The following ZNF385D variants were observed in gnomAD, a reference collection of about 807,000 sequenced individuals.
ZNF385D encodes the protein zinc finger protein 659.
A neutral mutation model predicts 35.8 loss-of-function variants in ZNF385D; 15 were observed. The observed-to-expected ratio is 0.42, with a 90% CI of 0.28 to 0.64. ZNF385D has a LOEUF of 0.64. Ranked by LOEUF, ZNF385D falls within the 30% of genes least tolerant of loss-of-function variation. The probability of loss-of-function intolerance (pLI) is 0.23; values close to 1 mark genes in which losing one functional copy is unlikely to be tolerated. For synonymous variants in ZNF385D, 212 were observed against 186.8 expected, an observed-to-expected ratio of 1.13 and a Z score of -1.10; for missense variants, 474 against 494.6, an observed-to-expected ratio of 0.96 and a Z score of 0.39.
chr3:22,345,103 C>T (rs542900804), intron 2 of ZNF385D, among the ~76,000 whole-genome samples: 3 of 152,278 alleles, frequency 2.0e-5, no homozygotes, highest in South Asian at 2.1e-4. Flanking sequence ...CATTGCTATT[C>T]AACAGGTGCT....
intron 3 of ZNF385D, among the ~76,000 whole-genome samples, chr3:21,940,134 T>A (rs1361239815): frequency 6.6e-6 from 1 of 152,208 alleles, no homozygotes; most frequent in Non-Finnish European, 1.5e-5. Context: ...GTTTGCGTTA[T>A]TTTATAAGTT....
chr3:22,302,273 C>T (rs1484192645), intron 2 of ZNF385D, among the ~76,000 whole-genome samples: 3 of 152,014 alleles, frequency 2.0e-5, no homozygotes, highest in Admixed American at 6.6e-5. Flanking sequence ...TCTTCATCAA[C>T]ACTTAGTATT....
chr3:21,892,109 T>C (rs1399232276), intron 3 of ZNF385D, among the ~76,000 whole-genome samples: 1 of 152,200 alleles, frequency 6.6e-6, no homozygotes, highest in African/African-American at 2.4e-5. Flanking sequence ...AATACTTGCT[T>C]CGTGGGATAG....
intron 2 of ZNF385D, among the ~76,000 whole-genome samples, chr3:22,344,722 A>G (rs1288595964): frequency 6.6e-6 from 1 of 152,148 alleles, no homozygotes; most frequent in East Asian, 1.9e-4. Context: ...GCACCAGGCT[A>G]GTATTTTCTT....
intron 3 of ZNF385D, among the ~76,000 whole-genome samples, chr3:21,527,438 A>C (rs544314207): frequency 2.9e-4 from 44 of 152,228 alleles, no homozygotes; most frequent in African/African-American, 1.0e-3. Flanking sequence ...AATTCATTTC[A>C]CCTCCAGTAT....
chr3:22,281,047 G>T (rs1701712198), intron 2 of ZNF385D, among the ~76,000 whole-genome samples: 1 of 151,932 alleles, frequency 6.6e-6, no homozygotes, highest in Non-Finnish European at 1.5e-5. Context: ...CTTGGTCACG[G>T]TTGTATAGTA....
At chr3:22,118,843 C>T (rs1407760414) in intron 3 of ZNF385D, among the ~76,000 whole-genome samples, 2 of 152,006 alleles carry the variant, frequency 1.3e-5, no homozygotes, top group Admixed American at 6.6e-5. Context: ...TTCATACATA[C>T]AAATTTGAGC....
At chr3:21,835,408 G>C (rs965732954) in intron 3 of ZNF385D, among the ~76,000 whole-genome samples, 1 of 151,630 alleles carries the variant, frequency 6.6e-6, no homozygotes, top group Non-Finnish European at 1.5e-5. Context: ...GAGAACATAT[G>C]TTGCCTCCAA....
At chr3:21,668,010 G>A (rs967528290) in intron 1 of ZNF385D, among the ~76,000 whole-genome samples, 1 of 152,152 alleles carries the variant, frequency 6.6e-6, no homozygotes, top group Non-Finnish European at 1.5e-5. Flanking sequence ...TTGGAAGAGA[G>A]CAATGTATAA....
intron 3 of ZNF385D, among the ~76,000 whole-genome samples, chr3:22,167,939 C>T (rs867174413): frequency 6.6e-6 from 1 of 152,130 alleles, no homozygotes; most frequent in Non-Finnish European, 1.5e-5. Flanking sequence ...AATGCAGAAG[C>T]AATTTCTACT....
At chr3:21,885,432 A>C (rs1320724549) in intron 3 of ZNF385D, among the ~76,000 whole-genome samples, 1 of 152,022 alleles carries the variant, frequency 6.6e-6, no homozygotes, top group African/African-American at 2.4e-5. Flanking sequence ...TGATGAAAAA[A>C]ATAGTGAATT....
chr3:21,664,802 G>C, intron 2 of ZNF385D, 84 bp downstream of exon 2: 1 of 1,560,818 alleles, frequency 6.4e-7, no homozygotes, highest in Non-Finnish European at 8.8e-7. Context: ...GCAAAATGGA[G>C]GCAGTGGCCG....
intron 3 of ZNF385D, among the ~76,000 whole-genome samples, chr3:21,807,608 C>T (rs2072712644): frequency 6.6e-6 from 1 of 151,736 alleles, no homozygotes; most frequent in Non-Finnish European, 1.5e-5. Flanking sequence ...CCTTAGTAGG[C>T]CAATAACAAA....
intron 3 of ZNF385D, among the ~76,000 whole-genome samples, chr3:21,994,302 T>G (rs569077625): frequency 4.7e-4 from 71 of 152,354 alleles, no homozygotes; most frequent in Non-Finnish European, 7.2e-4. Flanking sequence ...AAGTTGAGAT[T>G]ATGCCAAAGT....
At chr3:22,009,643 A>T (rs1292783202) in intron 3 of ZNF385D, among the ~76,000 whole-genome samples, 3 of 151,784 alleles carry the variant, frequency 2.0e-5, no homozygotes, top group African/African-American at 7.3e-5. Context: ...ATAAAAAAAA[A>T]AAAGATTCAA....
intron 4 of ZNF385D, among the ~76,000 whole-genome samples, chr3:21,504,712 C>A (rs1394843217): frequency 6.6e-6 from 1 of 151,970 alleles, no homozygotes; most frequent in Non-Finnish European, 1.5e-5. Context: ...TGTTTTAGAA[C>A]TACAGTACAA....
chr3:22,023,658 T>C (rs1451397042), intron 3 of ZNF385D, among the ~76,000 whole-genome samples: 1 of 149,488 alleles, frequency 6.7e-6, no homozygotes, highest in African/African-American at 2.5e-5. Context: ...AGCAAAGCAA[T>C]GCTTTTTTTT....
chr3:21,609,173 C>T (rs1453021577), intron 2 of ZNF385D, among the ~76,000 whole-genome samples: 1 of 152,112 alleles, frequency 6.6e-6, no homozygotes, highest in Admixed American at 6.5e-5. Context: ...AGAGTAAAGT[C>T]CATATTCCAG....
At chr3:21,580,470 G>A (rs2063622652) in intron 2 of ZNF385D, among the ~76,000 whole-genome samples, 1 of 152,140 alleles carries the variant, frequency 6.6e-6, no homozygotes, top group Admixed American at 6.6e-5. Context: ...CCATATAAAT[G>A]ATTATCCCAG....
Sources: allele counts gnomAD v4.1 joint callset (sites outside exome capture counted in the v4.1 genomes callset), GRCh38; gene constraint gnomAD v4.1.1; transcripts MANE v1.5; gene names NCBI Gene and HGNC (gene_info 2026-07-23, HGNC 2026-07-21).